The following UGT1A9 variants were observed in gnomAD, a reference collection of about 807,000 sequenced individuals.
UGT1A9 encodes UDP glucuronosyltransferase family 1 member A9, also known as UDP-glucuronosyltransferase 1A9.
Under a neutral mutation model 45.0 loss-of-function variants are expected in UGT1A9, and 35 were observed. The observed-to-expected ratio is 0.78, with a 90% CI of 0.59 to 1.03. UGT1A9 has a LOEUF of 1.03. UGT1A9 is among the 50% of genes least tolerant of loss of function. UGT1A9 has a pLI of 0.00. For missense variants in UGT1A9, 687 were observed against 666.6 expected, an observed-to-expected ratio of 1.03 and a Z score of -0.34; for synonymous variants, 278 against 250.6, an observed-to-expected ratio of 1.11 and a Z score of -1.03.
intron 1 of UGT1A9, among the ~76,000 whole-genome samples, chr2:233,708,286 T>A (rs2125610813): frequency 6.6e-6 from 1 of 152,362 alleles, no homozygotes; most frequent in South Asian, 2.1e-4. Flanking sequence ...TATCATCAAA[T>A]GCTTTCAGTT....
intron 1 of UGT1A9, among the ~76,000 whole-genome samples, chr2:233,687,285 A>G (rs114020285): frequency 2.4e-3 from 373 of 152,280 alleles, no homozygotes; most frequent in Non-Finnish European, 3.5e-3. Flanking sequence ...TCTTCAGAAC[A>G]ACATGGTGAG....
At chr2:233,711,386 T>C (rs1328064942) in intron 1 of UGT1A9, among the ~76,000 whole-genome samples, 2 of 152,206 alleles carry the variant, frequency 1.3e-5, no homozygotes, top group African/African-American at 2.4e-5. Context: ...CCCTCCCAGG[T>C]GTGTTCCACC....
chr2:233,729,264 G>T (rs921669787), intron 1 of UGT1A9: 3 of 1,614,004 alleles, frequency 1.9e-6, no homozygotes, highest in Admixed American at 1.7e-5. Flanking sequence ...GCATGCGGGA[G>T]GTCTTGCGGG....
At chr2:233,725,201 G>GGCAGAGGCAGAA (rs2077389297) in intron 1 of UGT1A9, among the ~76,000 whole-genome samples, 6 of 93,006 alleles carry the variant, frequency 6.5e-5, no homozygotes, top group African/African-American at 5.2e-4. Context: ...CAGAGGCAGA[G>GGCAGAGGCAGAA]GCAGAGGCAG....
At position 233,679,006 on chromosome 2, in the gene UGT1A9, C is replaced by A. The variant is rs184095276; in HGVS notation, c.855+6217C>A. On this transcript the variant is annotated intron_variant, in intron 1 of 4. Coordinates refer to ENST00000354728, the MANE Select transcript of UGT1A9 (RefSeq NM_021027.3). ...GCTCTTTCTATAATAACAGTGGCAT[C>A]TTCAGTGGTGTAATCCTTCTGGACT... 2.6e-5 allele frequency among the ~76,000 whole-genome samples: 4 copies of A among 152,324 alleles called. No homozygotes were observed. In the East Asian group the frequency reaches 7.7e-4, roughly 29 times the overall value.
rs531022939 is a variant in UGT1A9, at chr2:233,675,047, G to A, written c.855+2258G>A. ...TATGTGTTTGCACATGTATGTGTTT[G>A]TGTATGTGCAGGTGTGTTTGTGTGC... On this transcript the variant is annotated intron_variant, in intron 1 of 4. Coordinates refer to ENST00000354728, the MANE Select transcript of UGT1A9 (RefSeq NM_021027.3). 6.9e-4 allele frequency among the ~76,000 whole-genome samples: 105 copies of A among 152,282 alleles called. 1 individual carries two copies. The highest frequency in any genetic ancestry group is 2.3e-3 in the African/African-American group (94 of 41,542).
chr2:233,749,530 G>T (rs1211787123), intron 1 of UGT1A9, among the ~76,000 whole-genome samples: 2 of 151,832 alleles, frequency 1.3e-5, no homozygotes, highest in Non-Finnish European at 2.9e-5. Flanking sequence ...GCTAATTTTC[G>T]AGTGTGGTAA....
intron 1 of UGT1A9, among the ~76,000 whole-genome samples, chr2:233,735,380 C>T (rs2078647090): frequency 1.3e-5 from 2 of 152,070 alleles, no homozygotes; most frequent in Middle Eastern, 3.2e-3. Context: ...TTCCTCCATC[C>T]CTTTATTTTG....
chr2:233,753,553 C>A (rs768975399), intron 1 of UGT1A9: 9 of 152,144 alleles, frequency 5.9e-5, no homozygotes, highest in Non-Finnish European at 1.3e-4. Context: ...TCAGAGGTGA[C>A]CCTAGAAGAT....
chr2:233,708,130 C>T (rs1343190051), intron 1 of UGT1A9, among the ~76,000 whole-genome samples: 1 of 152,208 alleles, frequency 6.6e-6, no homozygotes, highest in Non-Finnish European at 1.5e-5. Flanking sequence ...TCACTGTGCT[C>T]CTGTGTGGGA....
intron 1 of UGT1A9, among the ~76,000 whole-genome samples, chr2:233,712,596 T>C (rs897261003): frequency 1.3e-5 from 2 of 152,068 alleles, no homozygotes; most frequent in African/African-American, 2.4e-5. Context: ...GACCATATGG[T>C]TGGGGACTAG....
intron 1 of UGT1A9, chr2:233,718,700 T>C: frequency 1.0e-5 from 16 of 1,599,044 alleles, no homozygotes; most frequent in Non-Finnish European, 1.3e-5. Flanking sequence ...GAGGGCACTT[T>C]GTCTTCCAAT....
intron 1 of UGT1A9, chr2:233,729,803 C>G (rs771141060): frequency 8.1e-6 from 13 of 1,613,810 alleles, no homozygotes; most frequent in Admixed American, 3.3e-5. Context: ...ATTTGCCATG[C>G]TTTTTCTGCT....
chr2:233,754,737 G>T, intron 1 of UGT1A9: 1 of 665,248 alleles, frequency 1.5e-6, no homozygotes, highest in Non-Finnish European at 2.5e-6. Flanking sequence ...ACTACCGTAG[G>T]ACATGCAGAA....
intron 1 of UGT1A9, chr2:233,744,049 A>C: frequency 1.3e-4 from 90 of 678,678 alleles, no homozygotes; most frequent in Non-Finnish European, 1.7e-4. Flanking sequence ...GCCACATCTC[A>C]TTGGTCGAGG....
intron 1 of UGT1A9, chr2:233,760,706 T>G (rs1396464237): frequency 2.5e-6 from 4 of 1,614,118 alleles, no homozygotes; most frequent in African/African-American, 1.3e-5. Flanking sequence ...ATGGCCTCCC[T>G]GGCAGAAAGC....
intron 1 of UGT1A9, among the ~76,000 whole-genome samples, chr2:233,716,626 G>A (rs1294828995): frequency 6.6e-6 from 1 of 152,106 alleles, no homozygotes; most frequent in Non-Finnish European, 1.5e-5. Flanking sequence ...TTCTAGTGAA[G>A]TTTTTATCGT....
chr2:233,714,706 G>A (rs974627054), intron 1 of UGT1A9, among the ~76,000 whole-genome samples: 3 of 152,098 alleles, frequency 2.0e-5, no homozygotes, highest in Non-Finnish European at 2.9e-5. Context: ...ACTGTTTAAC[G>A]TAGCTTTTTT....
At chr2:233,761,418 C>T (rs1559408324) in intron 1 of UGT1A9, among the ~76,000 whole-genome samples, 1 of 152,184 alleles carries the variant, frequency 6.6e-6, no homozygotes, top group Admixed American at 6.5e-5. Context: ...AAACAACAAG[C>T]TGTTAAATGC....
Sources: gnomAD v4.1 joint callset for allele counts (sites outside exome capture counted in the v4.1 genomes callset) on GRCh38, gnomAD v4.1.1 for gene constraint, MANE v1.5 for transcripts, NCBI Gene and HGNC (gene_info 2026-07-23, HGNC 2026-07-21) for gene names.